Variants in LRRC4C observed in about 807,000 individuals in gnomAD.
LRRC4C encodes leucine-rich repeat-containing protein 4C.
A neutral mutation model predicts 33.6 loss-of-function variants in LRRC4C; 5 were observed. That is an observed-to-expected ratio of 0.15 (90% CI 0.08 to 0.31). The LOEUF is 0.31. Ranked by LOEUF, LRRC4C falls within the 10% of genes least tolerant of loss-of-function variation. The pLI, the probability that LRRC4C is intolerant of heterozygous loss-of-function variation, is 1.00. For missense variants in LRRC4C, 560 were observed against 796.7 expected (o/e 0.70, Z 3.58); for synonymous variants, 329 against 302.0 (o/e 1.09, Z -0.93).
chr11:40,833,828 A>T (rs1389987077), intron 2 of LRRC4C, among the ~76,000 whole-genome samples: 3 of 152,146 alleles, frequency 2.0e-5, no homozygotes, highest in Admixed American at 2.0e-4. Context: ...TGTGTGTGTG[A>T]CTAATATTAA....
intron 1 of LRRC4C, among the ~76,000 whole-genome samples, chr11:41,395,033 G>A (rs905842619): frequency 2.6e-5 from 4 of 151,940 alleles, no homozygotes; most frequent in African/African-American, 9.7e-5. Flanking sequence ...GAAGGCAAGG[G>A]AGTACTGTTT....
At chr11:40,890,673 A>G (rs1955661001) in intron 2 of LRRC4C, among the ~76,000 whole-genome samples, 1 of 152,108 alleles carries the variant, frequency 6.6e-6, no homozygotes, top group South Asian at 2.1e-4. Flanking sequence ...GAACATGGAG[A>G]GAAAATACAG....
chr11:40,760,887 ATATATAAATAT>A (rs1949181725), intron 2 of LRRC4C, among the ~76,000 whole-genome samples: 2 of 146,640 alleles, frequency 1.4e-5, no homozygotes, highest in African/African-American at 4.9e-5. Context: ...TATAATATAT[ATATATAAATAT>A]ATATTATATA....
chr11:40,721,010 A>T (rs1273597799), intron 2 of LRRC4C, among the ~76,000 whole-genome samples: 2 of 152,174 alleles, frequency 1.3e-5, no homozygotes, highest in African/African-American at 4.8e-5. Context: ...CTAGAACAGG[A>T]ATTCATTTCT....
intron 1 of LRRC4C, among the ~76,000 whole-genome samples, chr11:41,037,106 C>A (rs1160971883): frequency 1.3e-5 from 2 of 151,970 alleles, no homozygotes; most frequent in African/African-American, 4.8e-5. Context: ...TTTCCTTACG[C>A]AGGCTGGGCC....
intron 3 of LRRC4C, among the ~76,000 whole-genome samples, chr11:40,388,905 C>G (rs986427808): frequency 6.6e-6 from 1 of 152,074 alleles, no homozygotes; most frequent in Non-Finnish European, 1.5e-5. Flanking sequence ...CAGCCTTCTC[C>G]CCATTTTTAG....
chr11:41,073,074 A>G (rs556112184), intron 1 of LRRC4C, among the ~76,000 whole-genome samples: 9 of 152,306 alleles, frequency 5.9e-5, no homozygotes, highest in African/African-American at 2.2e-4. Flanking sequence ...GAACCTGTGC[A>G]TCACCTTTTA....
At chr11:41,172,087 T>C (rs1945001762) in intron 1 of LRRC4C, among the ~76,000 whole-genome samples, 1 of 152,126 alleles carries the variant, frequency 6.6e-6, no homozygotes. Context: ...TATTTTGAGA[T>C]GACTCAAATT....
At chr11:40,687,263 C>CCATG (rs757688450) in intron 2 of LRRC4C, among the ~76,000 whole-genome samples, 6 of 152,002 alleles carry the variant, frequency 3.9e-5, no homozygotes, top group Non-Finnish European at 8.8e-5. Flanking sequence ...ACCCATTATG[C>CCATG]CATGTTACCT....
Position 40,367,992 on chromosome 11 carries a change from T to C in LRRC4C, c.-269-48271A>G, listed in dbSNP as rs1335556829. ...GATATTGATTGAACTACACCCCCTGTCACTGCATGTCACTGACCGTCTTGG... is the reference window on the plus strand; with the variant it reads ...GATATTGATTGAACTACACCCCCTGCCACTGCATGTCACTGACCGTCTTGG... On this transcript the variant is annotated intron_variant, in intron 3 of 6. Coordinates refer to ENST00000528697, the MANE Select transcript of LRRC4C (RefSeq NM_001258419.2). 3.9e-5 allele frequency among the ~76,000 whole-genome samples: 6 copies of C among 152,280 alleles called. No individual in the cohort carries two copies. In the South Asian group the frequency reaches 1.2e-3, roughly 32 times the overall value.
At chr11:40,957,662 A>G (rs985606361) in intron 1 of LRRC4C, among the ~76,000 whole-genome samples, 5 of 151,728 alleles carry the variant, frequency 3.3e-5, no homozygotes, top group African/African-American at 7.3e-5. Flanking sequence ...ATTATACAGC[A>G]TAAGTGCTGA....
chr11:40,433,730 C>G (rs942150734), intron 3 of LRRC4C, among the ~76,000 whole-genome samples: 5 of 152,064 alleles, frequency 3.3e-5, no homozygotes, highest in African/African-American at 7.3e-5. Flanking sequence ...ATGTTGCCCA[C>G]AGAGGATATA....
At chr11:41,263,790 TC>T (rs1411120539) in intron 1 of LRRC4C, among the ~76,000 whole-genome samples, 2 of 151,992 alleles carry the variant, frequency 1.3e-5, no homozygotes, top group African/African-American at 4.8e-5. Context: ...TAGTAGAAAC[TC>T]AAAACATATT....
At chr11:41,093,817 C>A (rs1940602254) in intron 1 of LRRC4C, among the ~76,000 whole-genome samples, 1 of 151,582 alleles carries the variant, frequency 6.6e-6, no homozygotes, top group South Asian at 2.1e-4. Flanking sequence ...ACCGGCCGGG[C>A]CCGGTGGATC....
chr11:41,043,415 G>C (rs913962248), intron 1 of LRRC4C, among the ~76,000 whole-genome samples: 1 of 152,190 alleles, frequency 6.6e-6, no homozygotes, highest in South Asian at 2.1e-4. Flanking sequence ...TTTACTTAAG[G>C]TTTTATTAAT....
chr11:40,879,456 T>G (rs1360073340), intron 2 of LRRC4C, among the ~76,000 whole-genome samples: 1 of 152,168 alleles, frequency 6.6e-6, no homozygotes, highest in Non-Finnish European at 1.5e-5. Flanking sequence ...GGAAAGTTGT[T>G]CATCCTACAA....
At chr11:41,186,932 G>A (rs956083053) in intron 1 of LRRC4C, among the ~76,000 whole-genome samples, 12 of 152,042 alleles carry the variant, frequency 7.9e-5, no homozygotes, top group South Asian at 6.2e-4. Flanking sequence ...AAGTATATAC[G>A]TCTGATAAAT....
At chr11:41,150,717 A>T (rs1328180823) in intron 1 of LRRC4C, among the ~76,000 whole-genome samples, 3 of 151,886 alleles carry the variant, frequency 2.0e-5, no homozygotes, top group African/African-American at 7.3e-5. Context: ...TGAACCCAGG[A>T]CGCAGAGGTT....
At chr11:40,502,214 G>A (rs1198861190) in intron 3 of LRRC4C, among the ~76,000 whole-genome samples, 1 of 152,128 alleles carries the variant, frequency 6.6e-6, no homozygotes, top group East Asian at 1.9e-4. Flanking sequence ...AAGTCTCTAG[G>A]AAGTTCCAAA....
Sources: gnomAD v4.1 joint callset for allele counts (sites outside exome capture counted in the v4.1 genomes callset) on GRCh38, gnomAD v4.1.1 for gene constraint, MANE v1.5 for transcripts, NCBI Gene and HGNC (gene_info 2026-07-23, HGNC 2026-07-21) for gene names.